Variants in NXN observed in about 807,000 individuals in gnomAD.
NXN encodes nucleoredoxin.
NXN carries 16 observed loss-of-function variants against 48.6 expected under a neutral mutation model. The ratio of observed to expected loss-of-function variants is 0.33; its 90% CI spans 0.22 to 0.50. The LOEUF is 0.50. Among genes scored for constraint, NXN ranks in the 20% least tolerant of loss-of-function variants. The probability of loss-of-function intolerance (pLI) is 0.98; values close to 1 mark genes in which losing one functional copy is unlikely to be tolerated. For synonymous variants in NXN, 281 were observed against 269.6 expected (o/e 1.04, Z -0.41); for missense variants, 492 against 605.5 (o/e 0.81, Z 1.97).
intron 1 of NXN, among the ~76,000 whole-genome samples, chr17:884,734 T>A (rs886937030): frequency 5.3e-5 from 8 of 152,156 alleles, no homozygotes; most frequent in Admixed American, 5.2e-4. Flanking sequence ...GTTCAGATAC[T>A]AGAAAAGGGA....
At chr17:816,375 G>A (rs1597624028) in intron 5 of NXN, among the ~76,000 whole-genome samples, 1 of 151,784 alleles carries the variant, frequency 6.6e-6, no homozygotes, top group Non-Finnish European at 1.5e-5. Flanking sequence ...GCCCTGTGAG[G>A]ACCAGGCCAG....
At chr17:945,626 C>T (rs1338636567) in intron 1 of NXN, among the ~76,000 whole-genome samples, 1 of 106,812 alleles carries the variant, frequency 9.4e-6, no homozygotes, top group Non-Finnish European at 1.7e-5. Context: ...GTGACTCCGT[C>T]TCAAAAAAAA....
chr17:960,933 C>T (rs1001409199), intron 1 of NXN, among the ~76,000 whole-genome samples: 5 of 151,802 alleles, frequency 3.3e-5, no homozygotes, highest in Non-Finnish European at 7.4e-5. Flanking sequence ...TACAGGCACC[C>T]GCCACCACGC....
intron 1 of NXN, among the ~76,000 whole-genome samples, chr17:961,309 C>T (rs1165946038): frequency 2.0e-5 from 3 of 151,702 alleles, no homozygotes; most frequent in East Asian, 2.0e-4. Flanking sequence ...CGCTTGAACC[C>T]GGGAGGCAGA....
chr17:925,185 C>T (rs2068787087), intron 1 of NXN, among the ~76,000 whole-genome samples: 1 of 152,192 alleles, frequency 6.6e-6, no homozygotes, highest in Non-Finnish European at 1.5e-5. Context: ...AAAGGAGATA[C>T]AGAGACTTAA....
intron 1 of NXN, among the ~76,000 whole-genome samples, chr17:922,589 C>T (rs1400186208): frequency 6.6e-6 from 1 of 152,152 alleles, no homozygotes; most frequent in African/African-American, 2.4e-5. Context: ...GTGCTCAAAT[C>T]TGGGGCTGAG....
At chr17:905,892 G>A (rs2068577163) in intron 1 of NXN, among the ~76,000 whole-genome samples, 1 of 151,404 alleles carries the variant, frequency 6.6e-6, no homozygotes, top group Non-Finnish European at 1.5e-5. Context: ...TGGGAGGATC[G>A]CTTGAGCCCA....
intron 1 of NXN, among the ~76,000 whole-genome samples, chr17:846,413 C>CAAAAAA (rs757262418): frequency 4.8e-5 from 3 of 62,564 alleles, no homozygotes; most frequent in African/African-American, 6.9e-5. Context: ...GAAATTGTCT[C>CAAAAAA]AAAAAAAAAA....
At chr17:931,285 CAAAAAAAAA>C (rs778432060) in intron 1 of NXN, among the ~76,000 whole-genome samples, 1 of 107,116 alleles carries the variant, frequency 9.3e-6, no homozygotes, top group East Asian at 2.7e-4. Context: ...AGACTCCATC[CAAAAAAAAA>C]AAAAAAAAAT....
chr17:846,855 G>A (rs548169355), intron 1 of NXN, among the ~76,000 whole-genome samples: 2 of 151,190 alleles, frequency 1.3e-5, no homozygotes, highest in African/African-American at 2.5e-5. Flanking sequence ...GGAGAAAAAA[G>A]GAGAAAAATG....
intron 5 of NXN, among the ~76,000 whole-genome samples, chr17:805,629 G>A (rs563938973): frequency 2.8e-4 from 43 of 152,100 alleles, no homozygotes; most frequent in African/African-American, 1.0e-3. Context: ...TTGAGGTCAG[G>A]AGTTGGAGAC....
In NXN at chr17:919,692, A is replaced by T. The variant is rs542317146; in HGVS notation, c.360+59627T>A. On this transcript the variant is annotated intron_variant, in intron 1 of 7. Transcript: ENST00000336868. The surrounding 1 kb of genome is among the most constrained non-coding windows in gnomAD (Gnocchi z 5.1). ...GAGACAACACCAATCAGCCCTTACC[A>T]GGCAGTGCGTGGCTCCAGAACAACA... Among the ~76,000 whole-genome samples the T allele has an allele frequency of 1.3e-5, 2 of 152,234 alleles. No individual in the cohort carries two copies. Among genetic ancestry groups the T allele is most frequent in the South Asian group, 4.2e-4 (2 of 4,812 alleles).
chr17:913,691 G>C (rs374262775), intron 1 of NXN, among the ~76,000 whole-genome samples: 1 of 151,898 alleles, frequency 6.6e-6, no homozygotes, highest in Non-Finnish European at 1.5e-5. Flanking sequence ...TGCAGAGACC[G>C]GGACCCTTCT....
At chr17:912,050 G>A (rs2068641680) in intron 1 of NXN, among the ~76,000 whole-genome samples, 1 of 151,188 alleles carries the variant, frequency 6.6e-6, no homozygotes, top group Non-Finnish European at 1.5e-5. Flanking sequence ...TGATTCTCCT[G>A]CCTCAGCCTC....
chr17:824,237 T>C (rs1019089002), intron 2 of NXN, among the ~76,000 whole-genome samples: 24 of 133,972 alleles, frequency 1.8e-4, no homozygotes, highest in Admixed American at 1.4e-3. Flanking sequence ...TTAGTAGAGA[T>C]GGGGTTTCAC....
At chr17:950,448 G>A (rs2069095911) in intron 1 of NXN, among the ~76,000 whole-genome samples, 1 of 151,288 alleles carries the variant, frequency 6.6e-6, no homozygotes, top group Non-Finnish European at 1.5e-5. Flanking sequence ...CTGGTTTTCA[G>A]GGGTGTGTGG....
At chr17:934,618 A>C (rs1376569816) in intron 1 of NXN, among the ~76,000 whole-genome samples, 1 of 152,034 alleles carries the variant, frequency 6.6e-6, no homozygotes, top group African/African-American at 2.4e-5. Flanking sequence ...TCATGCCTGT[A>C]ATCCCAGCAC....
chr17:922,657 T>G (rs1273406263), intron 1 of NXN, among the ~76,000 whole-genome samples: 1 of 151,618 alleles, frequency 6.6e-6, no homozygotes, highest in Non-Finnish European at 1.5e-5. Flanking sequence ...TCTGCGTTCT[T>G]TGTTTTGTTT....
In NXN at chr17:881,416, G is replaced by A. The variant is rs78462031; in HGVS notation, c.361-55338C>T. ...ACACTCGAAAATTTTCCATTGAGAC[G>A]GGGTTTCGCCATGTTGCTCAGGCTA... On this transcript the variant is annotated intron_variant, in intron 1 of 7. Transcript: ENST00000336868. 8.9e-3 allele frequency among the ~76,000 whole-genome samples: 1,350 copies of A among 152,196 alleles called. 21 individuals are homozygous for A. Among genetic ancestry groups the A allele is most frequent in the African/African-American group, 0.03 (1,232 of 41,534 alleles).
Sources: allele counts gnomAD v4.1 joint callset (sites outside exome capture counted in the v4.1 genomes callset), GRCh38; gene constraint gnomAD v4.1.1; non-coding constraint Gnocchi (gnomAD v3.1); transcripts MANE v1.5; gene names NCBI Gene and HGNC (gene_info 2026-07-23, HGNC 2026-07-21).